The following SLC35F4 variants were observed in gnomAD, a reference collection of about 807,000 sequenced individuals.
SLC35F4 encodes the protein solute carrier family 35 member F4.
SLC35F4 carries 24 observed loss-of-function variants against 44.2 expected under a neutral mutation model. That is an observed-to-expected ratio of 0.54 (90% confidence interval 0.39 to 0.76). The LOEUF (loss-of-function observed/expected upper bound fraction) is 0.76, where lower values mean the gene tolerates loss of function less well. SLC35F4 is among the 30% of genes least tolerant of loss of function. The pLI is 0.00. For synonymous variants in SLC35F4, 238 were observed against 223.6 expected (o/e 1.06, Z -0.57); for missense variants, 562 against 586.1 (o/e 0.96, Z 0.42).
intron 1 of SLC35F4, chr14:57,977,062 A>G (rs957942567): frequency 1.3e-5 from 2 of 152,192 alleles, no homozygotes; most frequent in African/African-American, 2.4e-5. Flanking sequence ...CCACATTGCT[A>G]AAGTATTTAG....
At chr14:57,960,664 A>G (rs1411168766) in intron 1 of SLC35F4, among the ~76,000 whole-genome samples, 2 of 152,264 alleles carry the variant, frequency 1.3e-5, no homozygotes, top group Admixed American at 1.3e-4. Context: ...AACTTTATTT[A>G]TGTTGATGTT....
At chr14:57,981,509 TA>T (rs375695754) in intron 1 of SLC35F4, among the ~76,000 whole-genome samples, 1 of 152,294 alleles carries the variant, frequency 6.6e-6, no homozygotes, top group African/African-American at 2.4e-5. Flanking sequence ...GTAATTTGAA[TA>T]TTTTTTTTAA....
At chr14:57,854,775 C>G (rs1701706426) in intron 1 of SLC35F4, among the ~76,000 whole-genome samples, 1 of 152,218 alleles carries the variant, frequency 6.6e-6, no homozygotes, top group Admixed American at 6.5e-5. Flanking sequence ...CAGATGGCTT[C>G]CAGCCCATTT....
intron 1 of SLC35F4, among the ~76,000 whole-genome samples, chr14:57,609,863 C>T: frequency 6.6e-6 from 1 of 152,214 alleles, no homozygotes. Flanking sequence ...ACATTAGGCC[C>T]TTGCTGGCTA....
Position 57,866,006 on chromosome 14 carries a change from C to T in SLC35F4, c.-181G>A, listed in dbSNP as rs1888138693. The stretch of plus-strand genomic sequence containing the variant: ...CGCATCACAGCGGCGGCGGCGGCGG[C>T]GGCGGCGGAGCGGCCCCCACTCGGG... On this transcript the variant is annotated 5_prime_UTR_variant, in exon 1 of 8. Transcript: ENST00000556826. 2.8e-6 allele frequency: 1 copy of T among 356,208 alleles called. No individual in the cohort carries two copies. Among genetic ancestry groups the T allele is most frequent in the South Asian group, 7.7e-5 (1 of 12,920 alleles). The allele number at this position is 356,208 out of a possible 1,614,324, so 22.1% of individuals were successfully genotyped here.
intron 1 of SLC35F4, among the ~76,000 whole-genome samples, chr14:57,747,294 A>G (rs941488641): frequency 7.9e-5 from 12 of 152,194 alleles, no homozygotes; most frequent in African/African-American, 2.9e-4. Flanking sequence ...TCAGGGACTG[A>G]TAAGAGACTC....
intron 1 of SLC35F4, among the ~76,000 whole-genome samples, chr14:57,682,109 T>C (rs1052010640): frequency 4.6e-5 from 7 of 152,184 alleles, no homozygotes; most frequent in African/African-American, 1.7e-4. Flanking sequence ...GATCTAGAAC[T>C]AGAAATAGCA....
intron 1 of SLC35F4, among the ~76,000 whole-genome samples, chr14:57,741,290 C>T (rs758726452): frequency 3.2e-4 from 49 of 152,198 alleles, no homozygotes; most frequent in Middle Eastern, 6.8e-3. Context: ...CAAACTTCTC[C>T]GAGCTAAAGG....
intron 1 of SLC35F4, among the ~76,000 whole-genome samples, chr14:57,855,494 A>C (rs1886998021): frequency 6.6e-6 from 1 of 152,242 alleles, no homozygotes; most frequent in African/African-American, 2.4e-5. Context: ...ATGAGATAGC[A>C]TCTCACACCA....
chr14:57,866,300 G>C (rs1393707723), upstream of SLC35F4, among the ~76,000 whole-genome samples: 1 of 152,172 alleles, frequency 6.6e-6, no homozygotes, highest in African/African-American at 2.4e-5. Context: ...TTGGGAGTGG[G>C]AGAAACCCAA....
intron 1 of SLC35F4, among the ~76,000 whole-genome samples, chr14:57,692,282 C>A (rs1284682657): frequency 6.6e-6 from 1 of 152,100 alleles, no homozygotes; most frequent in Non-Finnish European, 1.5e-5. Flanking sequence ...CAGTAAAGGG[C>A]CAACTAGCCC....
At chr14:57,964,991 A>AAAAAATATATATATATAT (rs1555331532) in intron 1 of SLC35F4, among the ~76,000 whole-genome samples, 1 of 115,696 alleles carries the variant, frequency 8.6e-6, no homozygotes, top group African/African-American at 3.7e-5. Context: ...AAAAAAAAAA[A>AAAAAATATATATATATAT]ATATATATAT....
At chr14:57,609,082 T>C (rs527845436) in intron 1 of SLC35F4, among the ~76,000 whole-genome samples, 1 of 152,232 alleles carries the variant, frequency 6.6e-6, no homozygotes, top group South Asian at 2.1e-4. Flanking sequence ...ATTGTGTTAA[T>C]TTAAGGAGTC....
rs1158637145 is a variant in SLC35F4, at chr14:57,728,941, G to T, written c.104-134817C>A. On this transcript the variant is annotated intron_variant, in intron 1 of 7. Transcript: ENST00000556826. ...TTTTCACCAGATACATTATTCTAGG[G>T]TAAAAGTTTTTTCCTTCAGCACTTT... Among the ~76,000 whole-genome samples, 2 of 152,024 alleles carry T rather than the reference G, an allele frequency of 1.3e-5. 1 individual carries two copies. Among genetic ancestry groups the T allele is most frequent in the South Asian group, 4.1e-4 (2 of 4,824 alleles).
chr14:57,677,472 T>C (rs2074733401), intron 1 of SLC35F4, among the ~76,000 whole-genome samples: 1 of 151,978 alleles, frequency 6.6e-6, no homozygotes, highest in African/African-American at 2.4e-5. Context: ...GCAAGTATAG[T>C]AATGTGTTAA....
At chr14:57,586,771 A>T (rs1175664809) in intron 3 of SLC35F4, among the ~76,000 whole-genome samples, 1 of 150,694 alleles carries the variant, frequency 6.6e-6, no homozygotes, top group African/African-American at 2.4e-5. Context: ...AAACACCAAA[A>T]GCAATGGCAA....
intron 1 of SLC35F4, among the ~76,000 whole-genome samples, chr14:57,594,449 A>T (rs935058143): frequency 6.7e-6 from 1 of 150,310 alleles, no homozygotes; most frequent in Non-Finnish European, 1.5e-5. Flanking sequence ...ATATGGTAGC[A>T]ACAATCACAG....
At chr14:57,661,673 C>T (rs754759559) in intron 1 of SLC35F4, among the ~76,000 whole-genome samples, 2 of 152,112 alleles carry the variant, frequency 1.3e-5, no homozygotes, top group East Asian at 1.9e-4. Flanking sequence ...GATCCAGAGA[C>T]GAATGTGCTC....
chr14:57,709,185 C>A (rs2075755184), intron 1 of SLC35F4, among the ~76,000 whole-genome samples: 1 of 151,992 alleles, frequency 6.6e-6, no homozygotes, highest in African/African-American at 2.4e-5. Flanking sequence ...GGGAGACTCC[C>A]TTTCCTGGTC....
Sources: allele counts gnomAD v4.1 joint callset (sites outside exome capture counted in the v4.1 genomes callset), GRCh38; gene constraint gnomAD v4.1.1; transcripts MANE v1.5; gene names NCBI Gene and HGNC (gene_info 2026-07-23, HGNC 2026-07-21).